The following MAPRE2 variants were observed in gnomAD, a reference collection of about 807,000 sequenced individuals.
The protein encoded by MAPRE2 is microtubule-associated protein RP/EB family member 2.
A neutral mutation model predicts 43.2 loss-of-function variants in MAPRE2; 13 were observed. The observed-to-expected ratio is 0.30, with a 90% CI of 0.20 to 0.48. The LOEUF (loss-of-function observed/expected upper bound fraction) is 0.48, where lower values mean the gene tolerates loss of function less well. Among genes scored for constraint, MAPRE2 ranks in the 20% least tolerant of loss-of-function variants. The pLI is 0.99. For missense variants in MAPRE2, 161 were observed against 400.2 expected (o/e 0.40, Z 5.10); for synonymous variants, 135 against 148.8 (o/e 0.91, Z 0.68).
At chr18:35,058,394 T>G (rs1906345953) in intron 1 of MAPRE2, among the ~76,000 whole-genome samples, 2 of 152,234 alleles carry the variant, frequency 1.3e-5, no homozygotes, top group South Asian at 4.1e-4. Flanking sequence ...AGTAGAATAC[T>G]GAGAGGCTTG....
upstream of MAPRE2, among the ~76,000 whole-genome samples, chr18:35,040,864 T>C (rs1281522866): frequency 1.3e-5 from 2 of 152,230 alleles, no homozygotes; most frequent in Non-Finnish European, 1.5e-5. Flanking sequence ...TACAGCTTCC[T>C]TGTAGGTTTT....
intron 2 of MAPRE2, among the ~76,000 whole-genome samples, chr18:35,013,481 G>T (rs142951874): frequency 1.8e-4 from 28 of 152,262 alleles, no homozygotes; most frequent in Non-Finnish European, 3.5e-4. Context: ...AGGGTACTTA[G>T]CATATCCATC....
intron 1 of MAPRE2, among the ~76,000 whole-genome samples, chr18:35,053,585 C>T (rs1162016590): frequency 6.6e-6 from 1 of 151,584 alleles, no homozygotes; most frequent in African/African-American, 2.4e-5. Context: ...GGAGAAGAAC[C>T]CTATAATTAA....
intron 2 of MAPRE2, among the ~76,000 whole-genome samples, chr18:35,078,208 T>TTCA: frequency 6.6e-6 from 1 of 152,320 alleles, no homozygotes; most frequent in South Asian, 2.1e-4. Context: ...TAGAAATGTG[T>TTCA]TCATACCCTT....
At chr18:34,992,411 G>A (rs2097024282) in intron 1 of MAPRE2, among the ~76,000 whole-genome samples, 1 of 152,068 alleles carries the variant, frequency 6.6e-6, no homozygotes, top group Admixed American at 6.6e-5. Context: ...AAGTTAATTT[G>A]AACTGATTGT....
intron 6 of MAPRE2, among the ~76,000 whole-genome samples, chr18:35,139,903 G>A (rs1910552642): frequency 6.6e-6 from 1 of 152,192 alleles, no homozygotes. Context: ...TGGAGGCCAG[G>A]GGTGCTGCTT....
At chr18:35,029,953 C>CA (rs1298028852) in intron 2 of MAPRE2, among the ~76,000 whole-genome samples, 1 of 152,118 alleles carries the variant, frequency 6.6e-6, no homozygotes, top group South Asian at 2.1e-4. Flanking sequence ...ATACAAATAC[C>CA]AAAAAAATGC....
chr18:35,000,069 G>A lies in MAPRE2; in HGVS notation c.-69-5423G>A, dbSNP rs61338054. ...GCTGCTTTATTCCTAGAAAGCTATG[G>A]ACCTCCCACACTAAAGAATGTGATC... is the stretch of plus-strand genomic sequence containing the variant. On this transcript the variant is annotated intron_variant, in intron 1 of 7. Coordinates refer to the MAPRE2 transcript ENST00000413393. Among the ~76,000 whole-genome samples, 626 of 152,154 alleles carry A rather than the reference G, an allele frequency of 4.1e-3. 3 individuals carry two copies. The highest frequency in any genetic ancestry group is 0.014 in the African/African-American group (595 of 41,484).
At chr18:35,060,975 T>C (rs772962888) in intron 1 of MAPRE2, among the ~76,000 whole-genome samples, 15 of 152,194 alleles carry the variant, frequency 9.9e-5, no homozygotes, top group Non-Finnish European at 1.6e-4. Context: ...AGAAAGAGCT[T>C]AATCTCCGTG....
chr18:35,072,471 G>A (rs1907158117), intron 2 of MAPRE2, among the ~76,000 whole-genome samples: 1 of 152,166 alleles, frequency 6.6e-6, no homozygotes, highest in Non-Finnish European at 1.5e-5. Context: ...GGCTCACAGA[G>A]AAAATCCCCA....
In MAPRE2 at chr18:35,010,070, AT is replaced by A. The variant is rs560642832; in HGVS notation, c.-8+4523del. ...TTACCCATCTCACACCACAGTAACA[AT>A]TTTTTAATTTACAATTTTTAATTAA... is the stretch of plus-strand genomic sequence containing the variant. On this transcript the variant is annotated intron_variant, in intron 2 of 7. Coordinates refer to the MAPRE2 transcript ENST00000413393. Among the ~76,000 whole-genome samples the A allele has an allele frequency of 1.4e-3, 213 of 152,260 alleles. 1 individual carries two copies. Among genetic ancestry groups the A allele is most frequent in the African/African-American group, 4.3e-3 (180 of 41,550 alleles).
intron 2 of MAPRE2, among the ~76,000 whole-genome samples, chr18:35,006,084 A>T (rs932847998): frequency 6.6e-6 from 1 of 152,116 alleles, no homozygotes; most frequent in Non-Finnish European, 1.5e-5. Flanking sequence ...GTTATTTCGA[A>T]CTATTACTCT....
chr18:35,099,303 G>T (rs1908567395), intron 3 of MAPRE2, among the ~76,000 whole-genome samples: 1 of 152,146 alleles, frequency 6.6e-6, no homozygotes, highest in Non-Finnish European at 1.5e-5. Context: ...ACATAAAAGT[G>T]ATTAAATAAT....
rs371754109 is a variant in MAPRE2 at position 35,102,208 on chromosome 18, C to T, written c.610+49C>T. The T allele has an allele frequency of 8.6e-5, 117 of 1,357,758 alleles. No individual in the cohort carries two copies. In the African/African-American group the frequency reaches 1.7e-3, roughly 19 times the overall value. 84.1% of individuals were successfully genotyped at this position (1,357,758 alleles called of 1,614,324 possible). On this transcript the variant is annotated intron_variant, in intron 4 of 6. Transcript: ENST00000300249. The stretch of plus-strand genomic sequence containing the variant: ...GAGTTGCTTTCATCTTTGATAATGG[C>T]TCAGACCCTTCTGTTATTTACTGTG...
chr18:34,992,136 A>T (rs1184735923), intron 1 of MAPRE2, among the ~76,000 whole-genome samples: 2 of 152,236 alleles, frequency 1.3e-5, no homozygotes, highest in Non-Finnish European at 2.9e-5. Flanking sequence ...CTGAAAAATT[A>T]TGTAAATATT....
intron 4 of MAPRE2, among the ~76,000 whole-genome samples, chr18:35,116,192 T>C (rs552159528): frequency 6.6e-6 from 1 of 152,328 alleles, no homozygotes; most frequent in African/African-American, 2.4e-5. Flanking sequence ...AAGCAAAACT[T>C]AATGTATAAG....
intron 1 of MAPRE2, chr18:34,984,399 T>A (rs1188867192): frequency 1.3e-5 from 2 of 152,142 alleles, no homozygotes; most frequent in Non-Finnish European, 2.9e-5. Context: ...CCTTCCAGAA[T>A]GAGCTGCAAT....
chr18:35,025,010 A>G (rs1238683727), intron 2 of MAPRE2, among the ~76,000 whole-genome samples: 2 of 152,224 alleles, frequency 1.3e-5, no homozygotes, highest in Non-Finnish European at 2.9e-5. Flanking sequence ...AGTGAAATCC[A>G]GCTTCTCACC....
At chr18:35,115,168 G>C (rs542946431) in intron 4 of MAPRE2, among the ~76,000 whole-genome samples, 1 of 152,062 alleles carries the variant, frequency 6.6e-6, no homozygotes, top group Non-Finnish European at 1.5e-5. Flanking sequence ...CCTGTAGAAG[G>C]TCCTCATATA....
Sources: gnomAD v4.1 joint callset for allele counts (sites outside exome capture counted in the v4.1 genomes callset) on GRCh38, gnomAD v4.1.1 for gene constraint, MANE v1.5 for transcripts, NCBI Gene and HGNC (gene_info 2026-07-23, HGNC 2026-07-21) for gene names.